Variants in PPP1R13B observed in about 807,000 individuals in gnomAD.
PPP1R13B encodes apoptosis-stimulating of p53 protein 1.
In PPP1R13B, 44 loss-of-function variants were observed where a neutral mutation model predicts 119.8. The ratio of observed to expected loss-of-function variants is 0.37; its 90% CI spans 0.29 to 0.47. The LOEUF (loss-of-function observed/expected upper bound fraction) is 0.47. PPP1R13B is among the 20% of genes least tolerant of loss of function. The pLI, the probability that PPP1R13B is intolerant of heterozygous loss-of-function variation, is 0.99. For missense variants in PPP1R13B, 1,227 were observed against 1,413.5 expected, an observed-to-expected ratio of 0.87 and a Z score of 2.12; for synonymous variants, 542 against 561.5, an observed-to-expected ratio of 0.97 and a Z score of 0.49.
At chr14:103,820,997 G>A (rs1211446055) in intron 1 of PPP1R13B, among the ~76,000 whole-genome samples, 1 of 152,052 alleles carries the variant, frequency 6.6e-6, no homozygotes, top group Non-Finnish European at 1.5e-5. Context: ...AATTAAAAGG[G>A]TTATGTTGAG....
At chr14:103,816,462 G>C (rs1444174425) in intron 1 of PPP1R13B, among the ~76,000 whole-genome samples, 2 of 151,400 alleles carry the variant, frequency 1.3e-5, no homozygotes, top group African/African-American at 4.8e-5. Context: ...CAAGGCGGGC[G>C]GATCAGCTGA....
intron 4 of PPP1R13B, among the ~76,000 whole-genome samples, chr14:103,769,398 A>G (rs184725351): frequency 9.1e-4 from 139 of 151,966 alleles, no homozygotes; most frequent in Non-Finnish European, 1.8e-3. Context: ...GCCTACACTG[A>G]TGTATTTTAA....
intron 4 of PPP1R13B, 75 bp from the exon 5 acceptor site, chr14:103,757,826 A>G: frequency 4.0e-6 from 5 of 1,254,338 alleles, no homozygotes; most frequent in Non-Finnish European, 4.6e-6. Context: ...AAACTCACAC[A>G]TATCAGGACT....
rs181559572 is a variant in PPP1R13B at position 103,770,987 on chromosome 14, G to A, written c.354+7758C>T. ...AAAGACTTAAGCTCATTCCATTGTG[G>A]AGAGTCCAAGAGGAGATGCCCACAA... On this transcript the variant is annotated intron_variant, in intron 4 of 16. Transcript: ENST00000202556. Among the ~76,000 whole-genome samples, 317 of 152,282 alleles carry A rather than the reference G, an allele frequency of 2.1e-3. 1 individual carries two copies. Among genetic ancestry groups the A allele is most frequent in the Middle Eastern group, 3.4e-3 (1 of 294 alleles).
At chr14:103,813,696 G>C (rs931981948) in intron 1 of PPP1R13B, among the ~76,000 whole-genome samples, 4 of 152,100 alleles carry the variant, frequency 2.6e-5, no homozygotes, top group Non-Finnish European at 4.4e-5. Context: ...CTTTATAGCA[G>C]GGTAAGAGAA....
At chr14:103,761,579 T>C (rs1417854026) in intron 4 of PPP1R13B, among the ~76,000 whole-genome samples, 1 of 151,940 alleles carries the variant, frequency 6.6e-6, no homozygotes, top group Non-Finnish European at 1.5e-5. Flanking sequence ...CTGGCCAACA[T>C]GGTGAAACAC....
chr14:103,789,855 T>A (rs888300106), intron 2 of PPP1R13B, among the ~76,000 whole-genome samples: 1 of 152,178 alleles, frequency 6.6e-6, no homozygotes, highest in South Asian at 2.1e-4. Flanking sequence ...TCCTGCTTTA[T>A]ATTGTATTAG....
In PPP1R13B at chr14:103,847,351, C is replaced by A. The variant is rs1364077584; in HGVS notation, c.-44G>T. On this transcript the variant is annotated 5_prime_UTR_variant, in exon 1 of 17. Transcript: ENST00000202556. ...CGCCCTCGGCCGCCGCCTGACAGGA[C>A]GCTCCGCGCCGAGCTGTGCCCACCG... is the stretch of plus-strand genomic sequence containing the variant. 1.7e-6 allele frequency: 2 copies of A among 1,204,484 alleles called. No individual in the cohort carries two copies. Among genetic ancestry groups the A allele is most frequent in the Admixed American group, 3.2e-5 (1 of 31,414 alleles). The allele number at this position is 1,204,484 out of a possible 1,614,324, so 74.6% of individuals were successfully genotyped here. A position where few individuals can be genotyped will look rare whatever the true frequency, so the allele number is the denominator to read the frequency against.
intron 2 of PPP1R13B, among the ~76,000 whole-genome samples, chr14:103,791,722 A>AAAAC (rs1302697434): frequency 5.9e-5 from 9 of 152,228 alleles, no homozygotes; most frequent in African/African-American, 1.9e-4. Flanking sequence ...ACTCCATCTC[A>AAAAC]AAACAAACAA....
intron 5 of PPP1R13B, among the ~76,000 whole-genome samples, chr14:103,755,599 G>A (rs115435701): frequency 0.012 from 1,875 of 152,286 alleles, 43 homozygotes; most frequent in African/African-American, 0.043. Context: ...GGTTTAAGGT[G>A]TGATTATGAA....
intron 7 of PPP1R13B, among the ~76,000 whole-genome samples, chr14:103,750,591 G>C (rs752966260): frequency 3.9e-5 from 6 of 152,232 alleles, no homozygotes; most frequent in Non-Finnish European, 7.3e-5. Flanking sequence ...AGCACTCTGG[G>C]AGGCCGAGGT....
At position 103,741,009 on chromosome 14, in the gene PPP1R13B, G is replaced by C. The variant is rs2084244310; in HGVS notation, c.1823-416C>G. Among the ~76,000 whole-genome samples, 3 of 152,316 alleles carry C rather than the reference G, an allele frequency of 2.0e-5. No individual in the cohort carries two copies. The South Asian group carries it at 6.2e-4, about 32-fold the overall frequency. On this transcript the variant is annotated intron_variant, in intron 11 of 16. Coordinates refer to ENST00000202556, the MANE Select transcript of PPP1R13B (RefSeq NM_015316.3). ...CCTCAGAGCAGGAAGGTTTTACCTG[G>C]AGGTCCAGGAGCTCTTGAGAATGGT... is the stretch of plus-strand genomic sequence containing the variant.
At chr14:103,748,865 G>A (rs962324590) in intron 8 of PPP1R13B, among the ~76,000 whole-genome samples, 7 of 152,146 alleles carry the variant, frequency 4.6e-5, no homozygotes, top group African/African-American at 1.7e-4. Context: ...GTAACGACCT[G>A]GAAAGACACC....
chr14:103,848,434 C>T, upstream of PPP1R13B: 2 of 985,462 alleles, frequency 2.0e-6, no homozygotes, highest in Non-Finnish European at 2.4e-6. Context: ...CTGAGCAGAC[C>T]CTCAGTAAAG....
chr14:103,808,152 T>C (rs549180969), intron 1 of PPP1R13B, among the ~76,000 whole-genome samples: 1 of 151,000 alleles, frequency 6.6e-6, no homozygotes, highest in Non-Finnish European at 1.5e-5. Flanking sequence ...GCTGAGACAG[T>C]GGAATCCCTT....
chr14:103,803,686 A>G (rs1436988038), intron 1 of PPP1R13B, among the ~76,000 whole-genome samples: 2 of 152,170 alleles, frequency 1.3e-5, no homozygotes, highest in African/African-American at 4.8e-5. Flanking sequence ...AAACAAATAA[A>G]TAAAAGATTT....
chr14:103,766,765 G>A (rs569012510), intron 4 of PPP1R13B, among the ~76,000 whole-genome samples: 61 of 152,008 alleles, frequency 4.0e-4, no homozygotes, highest in African/African-American at 1.4e-3. Flanking sequence ...GTGCCATCAC[G>A]CCCAGCTAAT....
chr14:103,735,944 C>T, intron 16 of PPP1R13B, 59 bp downstream of exon 16: 1 of 1,567,700 alleles, frequency 6.4e-7, no homozygotes, highest in Non-Finnish European at 8.7e-7. Context: ...CAGGATAGGA[C>T]CGCATGCTGT....
chr14:103,848,579 G>C, upstream of PPP1R13B: 1 of 808,622 alleles, frequency 1.2e-6, no homozygotes, highest in Non-Finnish European at 1.5e-6. Context: ...AGAAGGCAAG[G>C]TCTGCGGATG....
Sources: gnomAD v4.1 joint callset for allele counts (sites outside exome capture counted in the v4.1 genomes callset) on GRCh38, gnomAD v4.1.1 for gene constraint, MANE v1.5 for transcripts, NCBI Gene and HGNC (gene_info 2026-07-23, HGNC 2026-07-21) for gene names.